CAPN2: variants seen among roughly 807,000 people sequenced by gnomAD.
CAPN2 encodes the protein calpain 2.
Under a neutral mutation model 102.3 loss-of-function variants are expected in CAPN2, and 92 were observed. The ratio of observed to expected loss-of-function variants is 0.90; its 90% CI spans 0.76 to 1.07. CAPN2 has a LOEUF of 1.07. Among genes scored for constraint, CAPN2 ranks in the 50% least tolerant of loss-of-function variants. The probability of loss-of-function intolerance (pLI) is 0.00; values close to 1 mark genes in which losing one functional copy is unlikely to be tolerated. For synonymous variants in CAPN2, 340 were observed against 355.4 expected (o/e 0.96, Z 0.49); for missense variants, 800 against 909.4 (o/e 0.88, Z 1.55).
rs549087398 is a variant in CAPN2, at chr1:223,731,741, G to A, written c.308-12359G>A. Among the ~76,000 whole-genome samples, 102 of 152,322 alleles carry A rather than the reference G, an allele frequency of 6.7e-4. No homozygotes were observed. Among genetic ancestry groups the A allele is most frequent in the African/African-American group, 2.3e-3 (96 of 41,570 alleles). On this transcript the variant is annotated intron_variant, in intron 2 of 20. Transcript: ENST00000295006. This position sits in a 1 kb window ranked among gnomAD's most constrained non-coding sequence, Gnocchi z 4.2. ...CGAGGACAGAGGTGTGCAGAGGCAC[G>A]GCAAGCTGGGCCCCAGGCGAGAAGC...
At chr1:223,750,850 A>C in intron 6 of CAPN2, 40 bp from the exon 7 acceptor site, 2 of 1,538,930 alleles carry the variant, frequency 1.3e-6, no homozygotes, top group Non-Finnish European at 1.8e-6. Context: ...CCCTGACTTG[A>C]ACTCAACCTC....
intron 20 of CAPN2, 138 bp from the exon 21 acceptor site, chr1:223,774,696 T>C (rs1265353797): frequency 4.2e-6 from 3 of 709,964 alleles, no homozygotes; most frequent in Non-Finnish European, 7.4e-6. Context: ...GTAAGAAAAA[T>C]ATGAGTTAGT....
intron 2 of CAPN2, among the ~76,000 whole-genome samples, chr1:223,737,719 G>GT (rs1380010653): frequency 0.034 from 2,876 of 83,810 alleles, 174 homozygotes; most frequent in African/African-American, 0.041. Flanking sequence ...GGGGGTGGGG[G>GT]GGAGAGAATA....
Position 223,755,370 on chromosome 1 carries a change from C to G in CAPN2, c.1136-110C>G. ...CATCTCCCACCACCTCCCACCATCT[C>G]CCTTTATCTCCATCCCTCTCAGAAG... On this transcript the variant is annotated intron_variant, in intron 9 of 20. Coordinates refer to ENST00000295006, the MANE Select transcript of CAPN2 (RefSeq NM_001748.5). This position sits in a 1 kb window ranked among gnomAD's most constrained non-coding sequence, Gnocchi z 4.1. 1 of 1,046,436 alleles carries G rather than the reference C, an allele frequency of 9.6e-7. No individual in the cohort carries two copies. The highest frequency in any genetic ancestry group is 1.4e-6 in the Non-Finnish European group (1 of 702,140). 64.8% of individuals were successfully genotyped at this position (1,046,436 alleles called of 1,614,324 possible).
intron 2 of CAPN2, among the ~76,000 whole-genome samples, chr1:223,718,809 G>A (rs747236681): frequency 6.6e-6 from 1 of 152,198 alleles, no homozygotes; most frequent in Non-Finnish European, 1.5e-5. Flanking sequence ...CAGCTAATAT[G>A]TATCTCTAAG....
At chr1:223,704,283 T>C (rs143276924) in intron 1 of CAPN2, among the ~76,000 whole-genome samples, 1,590 of 152,150 alleles carry the variant, frequency 0.01, 30 homozygotes, top group African/African-American at 0.036. Flanking sequence ...AGAGCAAGAC[T>C]CTATCTCAAA....
intron 9 of CAPN2, among the ~76,000 whole-genome samples, 153 bp downstream of exon 9, chr1:223,753,109 C>A (rs544196137): frequency 2.0e-5 from 3 of 150,300 alleles, no homozygotes; most frequent in South Asian, 2.1e-4. Flanking sequence ...TCTCCCTGAG[C>A]CTTTTCTTTT....
At chr1:223,728,724 G>A (rs764660566) in intron 2 of CAPN2, among the ~76,000 whole-genome samples, 18 of 152,192 alleles carry the variant, frequency 1.2e-4, no homozygotes, top group Non-Finnish European at 2.6e-4. Flanking sequence ...TTTGCGGGGT[G>A]GGGAGGATGT....
rs1660193284 is a variant in CAPN2, at chr1:223,726,427, G to GGGTCA, written c.307+8599_307+8603dup. On this transcript the variant is annotated intron_variant, in intron 2 of 20. Coordinates refer to ENST00000295006, the MANE Select transcript of CAPN2 (RefSeq NM_001748.5). The surrounding 1 kb of genome is among the most constrained non-coding windows in gnomAD (Gnocchi z 4.4). ...TGACCGTGGGGGCGATGGCCCAGGA[G>GGGTCA]GGTCAGGGCTGCAGGGAACAGGGAC... Among the ~76,000 whole-genome samples, 1 of 152,162 alleles carries GGGTCA rather than the reference G, an allele frequency of 6.6e-6. No homozygotes were observed. The highest frequency in any genetic ancestry group is 3.2e-3 in the Middle Eastern group (1 of 316).
intron 12 of CAPN2, among the ~76,000 whole-genome samples, chr1:223,761,032 T>G (rs1400451366): frequency 6.6e-6 from 1 of 152,126 alleles, no homozygotes; most frequent in African/African-American, 2.4e-5. Flanking sequence ...GACCTGAGCT[T>G]TGGCTGAAAT....
In CAPN2 at chr1:223,769,900, A is replaced by G. The variant is rs375441224; in HGVS notation, c.1815A>G (p.Gln605=). 11 of 1,601,526 alleles carry G rather than the reference A, an allele frequency of 6.9e-6. No individual in the cohort carries two copies. The highest frequency in any genetic ancestry group is 7.7e-6 in the Non-Finnish European group (9 of 1,173,610). Residue 605 remains glutamine (Q), a synonymous_variant, in exon 17 of 21, where the codon CAA becomes CAG. Coordinates refer to ENST00000295006, the MANE Select transcript of CAPN2 (RefSeq NM_001748.5). Reference sequence around the variant, plus strand: ...TCTACATTCTCTGGACGAAGATTCAAAAATACCAAGTAAGATCCCAGAGAT... The same window carrying G: ...TCTACATTCTCTGGACGAAGATTCAGAAATACCAAGTAAGATCCCAGAGAT... The part of the protein sequence containing the change: ...KEFYILWTKI[Q]KYQKIYREID...
At chr1:223,710,511 T>TA (rs1249314501), upstream of CAPN2, among the ~76,000 whole-genome samples, 2 of 152,104 alleles carry the variant, frequency 1.3e-5, no homozygotes, top group African/African-American at 4.8e-5. Flanking sequence ...CCGAGGCTCT[T>TA]AAAATTTTAA....
At position 223,725,188 on chromosome 1, in the gene CAPN2, C is replaced by T. The variant is rs749915522; in HGVS notation, c.307+7357C>T. Among the ~76,000 whole-genome samples, 19 of 152,004 alleles carry T rather than the reference C, an allele frequency of 1.2e-4. No homozygotes were observed. Among genetic ancestry groups the T allele is most frequent in the African/African-American group, 4.3e-4 (18 of 41,380 alleles). On this transcript the variant is annotated intron_variant, in intron 2 of 20. Transcript: ENST00000295006. The surrounding 1 kb of genome is among the most constrained non-coding windows in gnomAD (Gnocchi z 4.1). ...ACTATCAAGACCATCCTGGCTAACACGGTGAAAACCCATCTCTACAAAACT... is the reference window on the plus strand; with the variant it reads ...ACTATCAAGACCATCCTGGCTAACATGGTGAAAACCCATCTCTACAAAACT...
chr1:223,759,319 ATCGCGCCAGGGAGCGC>A lies in CAPN2; in HGVS notation c.1370_1385del (p.Arg457GlnfsTer96). 6.2e-7 allele frequency: 1 copy of A among 1,614,226 alleles called. No individual in the cohort carries two copies. Among genetic ancestry groups the A allele is most frequent in the Non-Finnish European group, 8.5e-7 (1 of 1,180,040 alleles). On this transcript the variant is annotated frameshift_variant, in exon 12 of 21. Coordinates refer to ENST00000295006, the MANE Select transcript of CAPN2 (RefSeq NM_001748.5). LOFTEE classifies it high-confidence loss of function. The surrounding 1 kb of genome is among the most constrained non-coding windows in gnomAD (Gnocchi z 4.6). The stretch of plus-strand genomic sequence containing the variant: ...CTCAGCAAAAACTTCTTCCTGACGA[ATCGCGCCAGGGAGCGC>A]TCAGACACCTTCATCAACCTCCGGG...
chr1:223,716,231 T>A (rs1311172821), intron 1 of CAPN2, among the ~76,000 whole-genome samples: 2 of 152,270 alleles, frequency 1.3e-5, no homozygotes, highest in East Asian at 3.8e-4. Context: ...GAACTCTGAC[T>A]TTTCTAGAGA....
Position 223,717,766 on chromosome 1 carries a change from T to C in CAPN2, c.242T>C (p.Ile81Thr), listed in dbSNP as rs1022720956. ...CTTTGTGGGTCTCGTTCCCAGGAGATCTGCGCTGACCCCCAGTTTATCATT... is the reference window on the plus strand; with the variant it reads ...CTTTGTGGGTCTCGTTCCCAGGAGACCTGCGCTGACCCCCAGTTTATCATT... ...RGIEWKRPTE[I>T]CADPQFIIGG... Residue 81 changes from isoleucine to threonine, a missense_variant, in exon 2 of 21, where the codon ATC (isoleucine) becomes ACC (threonine). By Grantham distance (89) the Ile-to-Thr change is moderately conservative. Transcript: ENST00000295006. 2 of 1,613,934 alleles carry C rather than the reference T, an allele frequency of 1.2e-6. No individual in the cohort carries two copies. The highest frequency in any genetic ancestry group is 1.7e-6 in the Non-Finnish European group (2 of 1,179,858).
intron 14 of CAPN2, 75 bp from the exon 15 acceptor site, chr1:223,764,075 G>A: frequency 8.7e-7 from 1 of 1,156,052 alleles, no homozygotes; most frequent in Non-Finnish European, 1.3e-6. Context: ...CCTACCTAAT[G>A]CACTGGTGTC....
In CAPN2 at chr1:223,754,504, G is replaced by C. The variant is rs531328499; in HGVS notation, c.1136-976G>C. 6.6e-6 allele frequency among the ~76,000 whole-genome samples: 1 copy of C among 152,220 alleles called. No homozygotes were observed. The highest frequency in any genetic ancestry group is 1.5e-5 in the Non-Finnish European group (1 of 68,038). Reference sequence around the variant, plus strand: ...TACTTAAGCGAATGGCCGTGGCTACGTTCCAATAAAACGTTATTTACAAAA... The same window carrying C: ...TACTTAAGCGAATGGCCGTGGCTACCTTCCAATAAAACGTTATTTACAAAA... On this transcript the variant is annotated intron_variant, in intron 9 of 20. Transcript: ENST00000295006. This position sits in a 1 kb window ranked among gnomAD's most constrained non-coding sequence, Gnocchi z 4.7.
intron 2 of CAPN2, among the ~76,000 whole-genome samples, chr1:223,733,116 G>C (rs1037305853): frequency 8.5e-5 from 13 of 152,132 alleles, no homozygotes; most frequent in African/African-American, 3.1e-4. Context: ...CACACCTCCT[G>C]TCCTGCAGGA....
Sources: allele counts gnomAD v4.1 joint callset (sites outside exome capture counted in the v4.1 genomes callset), GRCh38; gene constraint gnomAD v4.1.1; non-coding constraint Gnocchi (gnomAD v3.1); transcripts MANE v1.5; gene names NCBI Gene and HGNC (gene_info 2026-07-23, HGNC 2026-07-21).